Variants in CDC123 observed in about 807,000 individuals in gnomAD.
CDC123 encodes cell division cycle 123, also known as translation initiation factor eIF2 assembly protein.
A neutral mutation model predicts 54.4 loss-of-function variants in CDC123; 37 were observed. That is an observed-to-expected ratio of 0.68 (90% confidence interval 0.52 to 0.89). The LOEUF is 0.89. Among genes scored for constraint, CDC123 ranks in the 40% least tolerant of loss-of-function variants. CDC123 has a pLI of 0.00. For missense variants in CDC123, 361 were observed against 412.1 expected (o/e 0.88, Z 1.07); for synonymous variants, 144 against 136.8 (o/e 1.05, Z -0.37).
At chr10:12,238,617 TGTA>T (rs1836010432) in intron 10 of CDC123, 132 bp downstream of exon 10, 26 of 1,068,650 alleles carry the variant, frequency 2.4e-5, no homozygotes, top group Non-Finnish European at 3.2e-5. Context: ...AGCTCATGCC[TGTA>T]TTCCCAGCAC....
intron 11 of CDC123, among the ~76,000 whole-genome samples, chr10:12,248,922 C>A (rs181530490): frequency 1.9e-3 from 282 of 152,132 alleles, no homozygotes; most frequent in African/African-American, 6.6e-3. Context: ...CCAGCCTGGC[C>A]AACATAGTGA....
chr10:12,245,208 G>C (rs1366612562), intron 10 of CDC123: 1 of 152,162 alleles, frequency 6.6e-6, no homozygotes, highest in Non-Finnish European at 1.5e-5. Flanking sequence ...TCAGACCGCA[G>C]ACCCTTCGCC....
chr10:12,210,931 C>T (rs988365953), intron 4 of CDC123, among the ~76,000 whole-genome samples: 1 of 152,102 alleles, frequency 6.6e-6, no homozygotes, highest in Admixed American at 6.5e-5. Context: ...GAACTCCTGA[C>T]CTCATGTGAT....
intron 2 of CDC123, among the ~76,000 whole-genome samples, chr10:12,207,215 TTC>T (rs1267561456): frequency 6.6e-6 from 1 of 152,112 alleles, no homozygotes; most frequent in Non-Finnish European, 1.5e-5. Context: ...CTTCTCTATT[TTC>T]TCTTTCCGTG....
intron 11 of CDC123, among the ~76,000 whole-genome samples, chr10:12,248,327 G>A (rs1037182766): frequency 6.6e-6 from 1 of 151,894 alleles, no homozygotes; most frequent in Non-Finnish European, 1.5e-5. Flanking sequence ...GGCCAACATG[G>A]TGAAACCCCG....
At chr10:12,200,119 C>CCTTTTTTTTTTTTTT (rs1564431631) in intron 2 of CDC123, among the ~76,000 whole-genome samples, 7 of 24,264 alleles carry the variant, frequency 2.9e-4, no homozygotes, top group Admixed American at 6.2e-4. Context: ...CCGCACTCGG[C>CCTTTTTTTTTTTTTT]ATTTTTTTTT....
Position 12,210,326 on chromosome 10 carries a change from A to T in CDC123, c.237+4A>T, listed in dbSNP as rs745732754. The T allele has an allele frequency of 3.1e-6, 5 of 1,614,116 alleles. No homozygotes were observed. In the South Asian group the frequency reaches 5.5e-5, roughly 18 times the overall value. Reference sequence around the variant, plus strand: ...TGAGAACACAGCCACGCTTACGGTAAGAGCACAGCAGACTCAGCGTGGGGA... The same window carrying T: ...TGAGAACACAGCCACGCTTACGGTATGAGCACAGCAGACTCAGCGTGGGGA... On this transcript the variant is annotated splice_donor_region_variant and intron_variant, in intron 4 of 12. Transcript: ENST00000281141.
Position 12,250,588 on chromosome 10 carries a change from T to TA in CDC123, c.*252dup. On this transcript the variant is annotated 3_prime_UTR_variant, in exon 13 of 13. Transcript: ENST00000281141. ...TGATAATAAAATGCTTTCTATGAAA[T>TA]ACGTTGCTTTTCTACCGAGTCATTA... The TA allele has an allele frequency of 9.2e-6, 4 of 434,500 alleles. No individual in the cohort carries two copies. The South Asian group carries it at 1.8e-4, about 19-fold the overall frequency. 26.9% of individuals were successfully genotyped at this position (434,500 alleles called of 1,614,324 possible).
At chr10:12,208,348 G>A (rs1835548775) in intron 2 of CDC123, among the ~76,000 whole-genome samples, 1 of 152,220 alleles carries the variant, frequency 6.6e-6, no homozygotes. Context: ...AGGCAATGAA[G>A]ATGGGCTGCT....
chr10:12,235,154 C>A (rs763318016), intron 8 of CDC123, 31 bp downstream of exon 8: 2 of 1,545,168 alleles, frequency 1.3e-6, no homozygotes, highest in Admixed American at 3.4e-5. Flanking sequence ...TTGTTTTATC[C>A]TTCAAAGTCA....
chr10:12,238,755 C>T (rs1405440632), intron 10 of CDC123, among the ~76,000 whole-genome samples: 1 of 152,028 alleles, frequency 6.6e-6, no homozygotes, highest in African/African-American at 2.4e-5. Context: ...CACAGTGGCT[C>T]ACACCTGTAA....
intron 10 of CDC123, among the ~76,000 whole-genome samples, chr10:12,240,235 C>A (rs1836038933): frequency 6.6e-6 from 1 of 152,144 alleles, no homozygotes; most frequent in Admixed American, 6.5e-5. Context: ...CAAGACATGT[C>A]ATCTTTATTA....
intron 4 of CDC123, among the ~76,000 whole-genome samples, chr10:12,211,492 G>A (rs933850353): frequency 1.3e-5 from 2 of 152,164 alleles, no homozygotes; most frequent in South Asian, 2.1e-4. Flanking sequence ...GAAAGTTTGC[G>A]TGTTTCATTT....
At chr10:12,231,724 G>C (rs115166336) in intron 7 of CDC123, among the ~76,000 whole-genome samples, 2 of 151,482 alleles carry the variant, frequency 1.3e-5, no homozygotes, top group Admixed American at 1.3e-4. Flanking sequence ...TTTTATTCCA[G>C]ATTTTCCTAG....
chr10:12,241,919 C>T (rs113703083), intron 10 of CDC123, among the ~76,000 whole-genome samples: 8 of 152,078 alleles, frequency 5.3e-5, no homozygotes, highest in African/African-American at 1.7e-4. Flanking sequence ...GACCCTCCCA[C>T]GGGTTCCCAC....
intron 9 of CDC123, 91 bp from the exon 10 acceptor site, chr10:12,238,366 T>A: frequency 7.0e-7 from 1 of 1,427,656 alleles, no homozygotes; most frequent in Non-Finnish European, 9.6e-7. Flanking sequence ...TATTCTGCTG[T>A]CTTTGATTAA....
chr10:12,246,445 G>C (rs11818953), intron 11 of CDC123, 168 bp downstream of exon 11: 37,284 of 671,446 alleles, frequency 0.056, 2,636 homozygotes, highest in African/African-American at 0.24. Flanking sequence ...TCAAAGAAGG[G>C]GGCCCCACTT....
chr10:12,238,800 A>G (rs1364411519), intron 10 of CDC123, among the ~76,000 whole-genome samples: 1 of 152,070 alleles, frequency 6.6e-6, no homozygotes, highest in Admixed American at 6.6e-5. Flanking sequence ...TGGGAGGATC[A>G]CTTGAGGTCA....
intron 10 of CDC123, among the ~76,000 whole-genome samples, chr10:12,240,916 C>T (rs998801707): frequency 3.9e-5 from 6 of 152,162 alleles, no homozygotes; most frequent in African/African-American, 1.4e-4. Context: ...TCATTTCACA[C>T]GCTGCAGGTG....
Sources: gnomAD v4.1 joint callset for allele counts (sites outside exome capture counted in the v4.1 genomes callset) on GRCh38, gnomAD v4.1.1 for gene constraint, MANE v1.5 for transcripts, NCBI Gene and HGNC (gene_info 2026-07-23, HGNC 2026-07-21) for gene names.